Variants in CRADD observed in about 807,000 individuals in gnomAD.
The protein encoded by CRADD is CARD and death domain containing adaptor protein.
A neutral mutation model predicts 15.5 loss-of-function variants in CRADD; 9 were observed. The ratio of observed to expected loss-of-function variants is 0.58; its 90% CI spans 0.35 to 1.01. The LOEUF (loss-of-function observed/expected upper bound fraction) is 1.01, where lower values mean the gene tolerates loss of function less well. Among genes scored for constraint, CRADD ranks in the 50% least tolerant of loss-of-function variants. The pLI, the probability that CRADD is intolerant of heterozygous loss-of-function variation, is 0.02. For synonymous variants in CRADD, 118 were observed against 107.6 expected (o/e 1.10, Z -0.60); for missense variants, 227 against 250.3 (o/e 0.91, Z 0.63).
chr12:93,845,495 A>G (rs1439606630), intron 2 of CRADD, among the ~76,000 whole-genome samples: 1 of 152,092 alleles, frequency 6.6e-6, no homozygotes, highest in Non-Finnish European at 1.5e-5. Context: ...AGGCTGGGTC[A>G]CGAGGATCAG....
chr12:93,683,053 A>T (rs973615313), intron 2 of CRADD, among the ~76,000 whole-genome samples: 7 of 152,166 alleles, frequency 4.6e-5, no homozygotes, highest in African/African-American at 1.7e-4. Flanking sequence ...GGAGATAGGG[A>T]CAGTGCCGTG....
chr12:93,688,804 G>C (rs2136808554), intron 2 of CRADD, among the ~76,000 whole-genome samples: 1 of 152,228 alleles, frequency 6.6e-6, no homozygotes, highest in Admixed American at 6.5e-5. Context: ...CACTTTCTCG[G>C]CATTCAGTTT....
At chr12:93,743,113 TTAATGTGGCGTATAGAG>T in intron 2 of CRADD, among the ~76,000 whole-genome samples, 1 of 152,344 alleles carries the variant, frequency 6.6e-6, no homozygotes, top group East Asian at 1.9e-4. Flanking sequence ...ATTTAATGAA[TTAATGTGGCGTATAGAG>T]TAATAGTAAC....
At chr12:93,794,880 C>T (rs1473349245) in intron 2 of CRADD, among the ~76,000 whole-genome samples, 1 of 152,158 alleles carries the variant, frequency 6.6e-6, no homozygotes, top group Non-Finnish European at 1.5e-5. Flanking sequence ...GGGAGTCTTA[C>T]CTCAAAGCCT....
At chr12:93,807,269 G>A (rs1479018613) in intron 2 of CRADD, among the ~76,000 whole-genome samples, 3 of 152,218 alleles carry the variant, frequency 2.0e-5, no homozygotes, top group South Asian at 4.1e-4. Context: ...ATAGATCATG[G>A]ACTCAATAAA....
At chr12:93,843,794 C>T (rs1369972745) in intron 2 of CRADD, among the ~76,000 whole-genome samples, 2 of 152,054 alleles carry the variant, frequency 1.3e-5, no homozygotes, top group Non-Finnish European at 2.9e-5. Context: ...GATCTCAGCT[C>T]ACTGCAACCT....
At chr12:93,705,887 T>C (rs1183427465) in intron 2 of CRADD, among the ~76,000 whole-genome samples, 1 of 152,244 alleles carries the variant, frequency 6.6e-6, no homozygotes, top group Non-Finnish European at 1.5e-5. Context: ...AAATGTGATG[T>C]AGTATAGGAA....
intron 2 of CRADD, among the ~76,000 whole-genome samples, chr12:93,841,028 A>AT (rs1040459217): frequency 2.6e-5 from 4 of 152,052 alleles, no homozygotes; most frequent in African/African-American, 7.2e-5. Flanking sequence ...TTAAAGAAAT[A>AT]TTTTTTTCAA....
chr12:93,831,379 T>C (rs994669920), intron 2 of CRADD: 1 of 152,250 alleles, frequency 6.6e-6, no homozygotes, highest in Non-Finnish European at 1.5e-5. Flanking sequence ...CTCTGAAGAA[T>C]GAAATTTTTT....
At chr12:93,695,851 G>C (rs1037875010) in intron 2 of CRADD, among the ~76,000 whole-genome samples, 4 of 152,182 alleles carry the variant, frequency 2.6e-5, no homozygotes, top group Non-Finnish European at 5.9e-5. Context: ...AGCCAAGATT[G>C]AGATTGTGCC....
chr12:93,748,225 G>A (rs1019671855), intron 2 of CRADD, among the ~76,000 whole-genome samples: 2 of 152,084 alleles, frequency 1.3e-5, no homozygotes, highest in Non-Finnish European at 2.9e-5. Flanking sequence ...TCCTTTCCTT[G>A]TCTCCCTGAA....
At chr12:93,766,333 T>G (rs553608498) in intron 2 of CRADD, among the ~76,000 whole-genome samples, 20 of 152,372 alleles carry the variant, frequency 1.3e-4, no homozygotes, top group African/African-American at 4.8e-4. Flanking sequence ...CAATGTCTTT[T>G]ACTACACCTT....
intron 2 of CRADD, among the ~76,000 whole-genome samples, chr12:93,865,922 T>G (rs1958363700): frequency 1.3e-5 from 2 of 152,228 alleles, no homozygotes; most frequent in African/African-American, 4.8e-5. Context: ...GACTTTATTT[T>G]ATTTGATAGC....
intron 2 of CRADD, among the ~76,000 whole-genome samples, chr12:93,797,794 A>G (rs746505720): frequency 6.6e-6 from 1 of 152,274 alleles, no homozygotes; most frequent in African/African-American, 2.4e-5. Flanking sequence ...AATATTAAAA[A>G]TAAAGACAAA....
At chr12:93,762,920 G>C (rs1460611421) in intron 2 of CRADD, among the ~76,000 whole-genome samples, 3 of 152,198 alleles carry the variant, frequency 2.0e-5, no homozygotes, top group Non-Finnish European at 2.9e-5. Context: ...TTGACTAGTG[G>C]GGAGCAGTAC....
At chr12:93,695,794 G>T (rs1265626774) in intron 2 of CRADD, among the ~76,000 whole-genome samples, 1 of 152,150 alleles carries the variant, frequency 6.6e-6, no homozygotes, top group Non-Finnish European at 1.5e-5. Context: ...TACTTGGGAG[G>T]CTGAGGCAGG....
chr12:93,845,252 G>A (rs1312954154), intron 2 of CRADD, among the ~76,000 whole-genome samples: 2 of 152,236 alleles, frequency 1.3e-5, no homozygotes, highest in Non-Finnish European at 2.9e-5. Flanking sequence ...TAGCTCAGAG[G>A]TAGAACGACA....
chr12:93,854,017 G>C (rs12099964), downstream of CRADD, among the ~76,000 whole-genome samples: 42,036 of 152,104 alleles, frequency 0.28, 5,982 homozygotes, highest in East Asian at 0.45. Flanking sequence ...TGGATCCCTG[G>C]TTTGTTTAGC....
rs1207739624 is a variant in CRADD, at chr12:93,867,405, T to TA, written c.299-26645_299-26644insA. On this transcript the variant is annotated intron_variant, in intron 2 of 2. Coordinates refer to the CRADD transcript ENST00000548483. ...GTATTTGACATATATATATATATAT[T>TA]TTTTAAACTTGGAAGTCCAAGATCA... Among the ~76,000 whole-genome samples the TA allele has an allele frequency of 2.1e-4, 21 of 102,074 alleles. 3 individuals carry two copies. The highest frequency in any genetic ancestry group is 6.6e-4 in the South Asian group (2 of 3,034). The allele number at this position is 102,074 out of a possible 152,430, so 67.0% of individuals were successfully genotyped here. A position where few individuals can be genotyped will look rare whatever the true frequency, so the allele number is the denominator to read the frequency against.
Sources: gnomAD v4.1 joint callset for allele counts (sites outside exome capture counted in the v4.1 genomes callset) on GRCh38, gnomAD v4.1.1 for gene constraint, MANE v1.5 for transcripts, NCBI Gene and HGNC (gene_info 2026-07-23, HGNC 2026-07-21) for gene names.